Variants in AGBL4 observed in about 807,000 individuals in gnomAD.
AGBL4 encodes AGBL carboxypeptidase 4.
AGBL4 carries 58 observed loss-of-function variants against 66.4 expected under a neutral mutation model. The observed-to-expected ratio is 0.87, with a 90% confidence interval of 0.71 to 1.09. The LOEUF is 1.09. AGBL4 is among the 50% of genes least tolerant of loss of function. AGBL4 has a pLI of 0.00. For missense variants in AGBL4, 579 were observed against 631.0 expected, an observed-to-expected ratio of 0.92 and a Z score of 0.88; for synonymous variants, 234 against 222.9, an observed-to-expected ratio of 1.05 and a Z score of -0.44.
At chr1:48,731,448 AG>A (rs1648114871) in intron 6 of AGBL4, among the ~76,000 whole-genome samples, 1 of 152,168 alleles carries the variant, frequency 6.6e-6, no homozygotes, top group South Asian at 2.1e-4. Flanking sequence ...GGGTTAGACA[AG>A]TCTCCTAGGA....
At chr1:49,069,583 TG>T (rs1644558823) in intron 4 of AGBL4, among the ~76,000 whole-genome samples, 1 of 151,908 alleles carries the variant, frequency 6.6e-6, no homozygotes, top group Admixed American at 6.6e-5. Context: ...TCTGTTCCAT[TG>T]GTCTATGTAT....
rs562017337 is a variant in AGBL4, at chr1:49,822,501, T to C, written c.157+28895A>G. Among the ~76,000 whole-genome samples, 339 of 152,212 alleles carry C rather than the reference T, an allele frequency of 2.2e-3. 4 individuals carry two copies. The highest frequency in any genetic ancestry group is 7.9e-3 in the African/African-American group (326 of 41,522). ...TCACAACGCCTGGCTAATTTTGTATTTTAGTAGAGATGGGGTTTTGCTATG... is the reference window on the plus strand; with the variant it reads ...TCACAACGCCTGGCTAATTTTGTATCTTAGTAGAGATGGGGTTTTGCTATG... On this transcript the variant is annotated intron_variant, in intron 2 of 13. Transcript: ENST00000371839.
chr1:49,246,986 C>T (rs1651696337), intron 3 of AGBL4, among the ~76,000 whole-genome samples: 1 of 151,984 alleles, frequency 6.6e-6, no homozygotes, highest in South Asian at 2.1e-4. Context: ...CTTCTATAAC[C>T]ATAAAAATAA....
At chr1:48,843,216 T>A (rs185689776) in intron 6 of AGBL4, among the ~76,000 whole-genome samples, 77 of 152,226 alleles carry the variant, frequency 5.1e-4, no homozygotes, top group Non-Finnish European at 8.8e-5. Context: ...TAAAAAAAAT[T>A]TATATGTGTA....
intron 3 of AGBL4, among the ~76,000 whole-genome samples, chr1:49,648,744 C>A (rs979843266): frequency 1.3e-5 from 2 of 151,666 alleles, no homozygotes; most frequent in African/African-American, 4.8e-5. Context: ...AACTACAATT[C>A]TTTTACTCTA....
chr1:49,872,996 T>C (rs575351425), intron 1 of AGBL4, among the ~76,000 whole-genome samples: 3 of 152,010 alleles, frequency 2.0e-5, no homozygotes, highest in South Asian at 4.1e-4. Context: ...TTTCCCCTTT[T>C]TTCCCCATTT....
chr1:48,891,269 T>A (rs1650935383), intron 5 of AGBL4, among the ~76,000 whole-genome samples: 1 of 149,130 alleles, frequency 6.7e-6, no homozygotes, highest in Non-Finnish European at 1.5e-5. Flanking sequence ...TCAGTAAAGG[T>A]CTAGGAATCA....
At chr1:48,537,683 T>C (rs544459263) in intron 12 of AGBL4, among the ~76,000 whole-genome samples, 1 of 152,206 alleles carries the variant, frequency 6.6e-6, no homozygotes, top group Non-Finnish European at 1.5e-5. Flanking sequence ...TATATGACAA[T>C]GCAACATGCA....
At chr1:49,839,642 C>A (rs1017366173) in intron 2 of AGBL4, among the ~76,000 whole-genome samples, 5 of 152,114 alleles carry the variant, frequency 3.3e-5, no homozygotes, top group African/African-American at 1.2e-4. Context: ...CATAGTGGAG[C>A]ATGGACCAGA....
intron 5 of AGBL4, among the ~76,000 whole-genome samples, chr1:48,874,494 G>A (rs1212034012): frequency 2.0e-5 from 3 of 152,166 alleles, no homozygotes; most frequent in African/African-American, 2.4e-5. Context: ...GATTCCCATT[G>A]CATTTTTGGG....
At chr1:48,688,854 A>C (rs1218142390) in intron 6 of AGBL4, among the ~76,000 whole-genome samples, 2 of 151,456 alleles carry the variant, frequency 1.3e-5, no homozygotes, top group Admixed American at 1.3e-4. Context: ...AGGGAAGGGG[A>C]GCCTGTGGCC....
chr1:49,871,142 C>T (rs1646829590), intron 1 of AGBL4, among the ~76,000 whole-genome samples: 1 of 152,052 alleles, frequency 6.6e-6, no homozygotes, highest in South Asian at 2.1e-4. Flanking sequence ...CAAAGGCATA[C>T]TAAGCAATAC....
At chr1:48,738,353 T>G (rs953016959) in intron 6 of AGBL4, among the ~76,000 whole-genome samples, 4 of 152,238 alleles carry the variant, frequency 2.6e-5, no homozygotes, top group Non-Finnish European at 5.9e-5. Flanking sequence ...ACTTCAGTAC[T>G]GCAAATCTGT....
intron 6 of AGBL4, among the ~76,000 whole-genome samples, chr1:48,730,687 A>G (rs563508846): frequency 6.6e-6 from 1 of 152,232 alleles, no homozygotes; most frequent in South Asian, 2.1e-4. Flanking sequence ...GTTGATTAAA[A>G]GGCTTTCGTT....
chr1:48,696,461 A>G (rs542655993), intron 6 of AGBL4, among the ~76,000 whole-genome samples: 1 of 152,232 alleles, frequency 6.6e-6, no homozygotes, highest in Non-Finnish European at 1.5e-5. Flanking sequence ...CTTACCATAC[A>G]AAAAGGGAAA....
intron 4 of AGBL4, among the ~76,000 whole-genome samples, chr1:49,068,029 G>T (rs1399423975): frequency 2.6e-5 from 4 of 151,674 alleles, no homozygotes; most frequent in African/African-American, 9.7e-5. Context: ...GAGGCACTCA[G>T]TACCTACACG....
intron 3 of AGBL4, among the ~76,000 whole-genome samples, chr1:49,613,862 A>G (rs1356567649): frequency 6.6e-6 from 1 of 152,220 alleles, no homozygotes; most frequent in Non-Finnish European, 1.5e-5. Context: ...ACTGTCTTTC[A>G]CAAAACTGGT....
At chr1:49,282,010 T>A (rs918672252) in intron 3 of AGBL4, among the ~76,000 whole-genome samples, 3 of 152,182 alleles carry the variant, frequency 2.0e-5, no homozygotes, top group Non-Finnish European at 4.4e-5. Context: ...GTGATGGGCA[T>A]CTGAAGTGGG....
chr1:48,973,886 G>A (rs138907087), intron 5 of AGBL4, among the ~76,000 whole-genome samples: 70 of 152,256 alleles, frequency 4.6e-4, no homozygotes, highest in African/African-American at 1.5e-3. Flanking sequence ...AGATAGTAGC[G>A]TTGGGGTTTT....
Sources: allele counts gnomAD v4.1 joint callset (sites outside exome capture counted in the v4.1 genomes callset), GRCh38; gene constraint gnomAD v4.1.1; transcripts MANE v1.5; gene names NCBI Gene and HGNC (gene_info 2026-07-23, HGNC 2026-07-21).